Variants in RNF125 observed in about 807,000 individuals in gnomAD.
RNF125 encodes the protein ring finger protein 125.
RNF125 carries 21 observed loss-of-function variants against 26.0 expected under a neutral mutation model. The observed-to-expected ratio is 0.81, with a 90% CI of 0.57 to 1.16. The LOEUF (loss-of-function observed/expected upper bound fraction) is 1.16. RNF125 is among the 50% of genes most tolerant of loss of function. The pLI is 0.00. For missense variants in RNF125, 270 were observed against 299.4 expected (o/e 0.90, Z 0.72); for synonymous variants, 95 against 109.2 (o/e 0.87, Z 0.81).
At chr18:32,035,157 T>C (rs770156165) in intron 1 of RNF125, among the ~76,000 whole-genome samples, 12 of 152,144 alleles carry the variant, frequency 7.9e-5, no homozygotes, top group Non-Finnish European at 1.6e-4. Flanking sequence ...CTATATGTAA[T>C]ATAAGAGGTA....
At position 32,069,348 on chromosome 18, in the gene RNF125, C is replaced by G. The variant is rs2039513861; in HGVS notation, c.*964C>G. On this transcript the variant is annotated 3_prime_UTR_variant, in exon 6 of 6. Transcript: ENST00000217740. ...TTCAATATTTTTCAAATATTTATAG[C>G]TTATTTAGAAATATTTCTATAATAT... The G allele has an allele frequency of 6.6e-6, 1 of 151,942 alleles. No individual in the cohort carries two copies. The highest frequency in any genetic ancestry group is 1.5e-5 in the Non-Finnish European group (1 of 68,014). The allele number at this position is 151,942 out of a possible 1,614,324, so 9.4% of individuals were successfully genotyped here. A position where few individuals can be genotyped will look rare whatever the true frequency, so the allele number is the denominator to read the frequency against.
chr18:32,066,832 C>T (rs771779487), intron 5 of RNF125, among the ~76,000 whole-genome samples: 1 of 152,192 alleles, frequency 6.6e-6, no homozygotes, highest in Non-Finnish European at 1.5e-5. Flanking sequence ...AGGAACTGAA[C>T]AAGGAACATG....
In RNF125 at chr18:32,061,225, C is replaced by T. The variant is rs531053422; in HGVS notation, c.505-4677C>T. On this transcript the variant is annotated intron_variant, in intron 4 of 5. Coordinates refer to ENST00000217740, the MANE Select transcript of RNF125 (RefSeq NM_017831.4). ...ATTTTTAGTAGAGACAGGGTTTCAC[C>T]GTGTTAGCCAGGATGGTGTCGATCT... is the stretch of plus-strand genomic sequence containing the variant. Among the ~76,000 whole-genome samples the T allele has an allele frequency of 6.6e-5, 10 of 152,124 alleles. No homozygotes were observed. The East Asian group carries it at 9.7e-4, about 15-fold the overall frequency.
intron 4 of RNF125, among the ~76,000 whole-genome samples, chr18:32,046,596 CAAAA>C (rs34644068): frequency 4.2e-5 from 4 of 95,936 alleles, no homozygotes; most frequent in Non-Finnish European, 7.8e-5. Flanking sequence ...GACTCTGTCT[CAAAA>C]AAAAAAAAAA....
chr18:32,073,676 G>A (rs568591141), downstream of RNF125, among the ~76,000 whole-genome samples: 25 of 152,244 alleles, frequency 1.6e-4, no homozygotes, highest in South Asian at 1.5e-3. Flanking sequence ...GCTGTCATGC[G>A]TACCCATATG....
In RNF125 at chr18:32,068,436, C is replaced by A; in HGVS notation, c.*52C>A. 9.8e-7 allele frequency: 1 copy of A among 1,023,516 alleles called. No individual in the cohort carries two copies. The allele number at this position is 1,023,516 out of a possible 1,614,324, so 63.4% of individuals were successfully genotyped here. On this transcript the variant is annotated 3_prime_UTR_variant, in exon 6 of 6. Coordinates refer to ENST00000217740, the MANE Select transcript of RNF125 (RefSeq NM_017831.4). ...CCACTGAATTGCACCATTTAAGATG[C>A]TGCTTGAACAAATGGGAGGGAAGTT...
At chr18:32,079,797 G>A in the RNF125 span, among the ~76,000 whole-genome samples, 183 of 152,304 alleles carry the variant, frequency 1.2e-3, 1 homozygote, top group Admixed American at 6.8e-3. Flanking sequence ...TTAGTCCAGT[G>A]ATATAGCTCT....
intron 4 of RNF125, among the ~76,000 whole-genome samples, chr18:32,050,337 GGAGACAGGGTCTC>G (rs1225176284): frequency 6.6e-6 from 1 of 151,836 alleles, no homozygotes; most frequent in Non-Finnish European, 1.5e-5. Flanking sequence ...TTTAAAATTT[GGAGACAGGGTCTC>G]GCTCTGTCAC....
intron 1 of RNF125, among the ~76,000 whole-genome samples, chr18:32,023,828 A>G (rs1210784004): frequency 6.6e-6 from 1 of 152,206 alleles, no homozygotes. Context: ...AGGCCGATGC[A>G]GGAGGATGGC....
intron 1 of RNF125, among the ~76,000 whole-genome samples, chr18:32,027,227 CT>C (rs770091087): frequency 0.04 from 5,303 of 131,662 alleles, 197 homozygotes; most frequent in African/African-American, 0.11. Flanking sequence ...AGGATGGAGT[CT>C]TTTTTTTTTT....
At chr18:32,080,550 A>G in the RNF125 span, among the ~76,000 whole-genome samples, 3 of 152,236 alleles carry the variant, frequency 2.0e-5, no homozygotes, top group South Asian at 2.1e-4. Flanking sequence ...AAAACTTAAT[A>G]AAGTGATCAA....
At chr18:32,061,608 G>A (rs968656943) in intron 4 of RNF125, among the ~76,000 whole-genome samples, 5 of 152,098 alleles carry the variant, frequency 3.3e-5, no homozygotes, top group African/African-American at 1.2e-4. Context: ...CTTTTCCCAC[G>A]TTGATTCCTC....
At chr18:32,020,414 G>T (rs2038976060) in intron 1 of RNF125, among the ~76,000 whole-genome samples, 1 of 151,970 alleles carries the variant, frequency 6.6e-6, no homozygotes, top group African/African-American at 2.4e-5. Flanking sequence ...CAGATCAGGA[G>T]CGGAAGCCTA....
rs2039157331 is a variant in RNF125 at position 32,036,618 on chromosome 18, G to A, written c.165-498G>A. On this transcript the variant is annotated intron_variant, in intron 1 of 5. Transcript: ENST00000217740. Reference sequence around the variant, plus strand: ...GGAAGAAGGGAGGGAGGGAAGGAGGGAGGGGAGAGGGGAGGGAGGGAGGGG... The same window carrying A: ...GGAAGAAGGGAGGGAGGGAAGGAGGAAGGGGAGAGGGGAGGGAGGGAGGGG... Among the ~76,000 whole-genome samples, 8 of 129,688 alleles carry A rather than the reference G, an allele frequency of 6.2e-5. No homozygotes were observed. In the Admixed American group the frequency reaches 6.3e-4, roughly 10 times the overall value. The allele number at this position is 129,688 out of a possible 152,430, so 85.1% of individuals were successfully genotyped here.
intron 3 of RNF125, among the ~76,000 whole-genome samples, chr18:32,042,724 A>G (rs336275): frequency 0.7 from 104,624 of 149,736 alleles, 36,821 homozygotes; most frequent in African/African-American, 0.75. Context: ...TATACAAGAG[A>G]ACAGGCTGGG....
the RNF125 span, among the ~76,000 whole-genome samples, chr18:32,085,373 C>CAGAGAG: frequency 0.022 from 2,792 of 128,714 alleles, 45 homozygotes; most frequent in Middle Eastern, 0.027. Flanking sequence ...CTGCCAGAAG[C>CAGAGAG]AGAGAGAGAG....
intron 5 of RNF125, among the ~76,000 whole-genome samples, chr18:32,066,848 G>T (rs966433344): frequency 1.3e-5 from 2 of 152,208 alleles, no homozygotes; most frequent in Admixed American, 1.3e-4. Flanking sequence ...ACATGACAGA[G>T]GCTTTAAATT....
intron 4 of RNF125, among the ~76,000 whole-genome samples, chr18:32,051,415 G>A (rs694422): frequency 4.0e-5 from 6 of 151,834 alleles, no homozygotes; most frequent in Non-Finnish European, 7.4e-5. Flanking sequence ...TCAGGAGTTC[G>A]AGACTAGCCT....
At chr18:32,045,028 G>A (rs1238828421) in intron 3 of RNF125, among the ~76,000 whole-genome samples, 1 of 151,800 alleles carries the variant, frequency 6.6e-6, no homozygotes. Context: ...TGAGACAGGA[G>A]GATCATTTGA....
Sources: allele counts gnomAD v4.1 joint callset (sites outside exome capture counted in the v4.1 genomes callset), GRCh38; gene constraint gnomAD v4.1.1; transcripts MANE v1.5; gene names NCBI Gene and HGNC (gene_info 2026-07-23, HGNC 2026-07-21).